The following KDM4C variants were observed in gnomAD, a reference collection of about 807,000 sequenced individuals.
KDM4C encodes lysine demethylase 4C.
In KDM4C, 81 loss-of-function variants were observed where a neutral mutation model predicts 129.3. The observed-to-expected ratio is 0.63, with a 90% CI of 0.52 to 0.75. The LOEUF is 0.75. KDM4C is among the 30% of genes least tolerant of loss of function. The pLI is 0.00. For missense variants in KDM4C, 1,457 were observed against 1,304.0 expected, an observed-to-expected ratio of 1.12 and a Z score of -1.81; for synonymous variants, 573 against 456.1, an observed-to-expected ratio of 1.26 and a Z score of -3.26.
chr9:6,966,902 C>T (rs547108698), intron 8 of KDM4C, among the ~76,000 whole-genome samples: 1 of 152,240 alleles, frequency 6.6e-6, no homozygotes, highest in East Asian at 1.9e-4. Context: ...CTGCTTAAAT[C>T]ACAGAATGCA....
intron 4 of KDM4C, among the ~76,000 whole-genome samples, chr9:6,837,773 C>T (rs562809959): frequency 6.6e-6 from 1 of 152,064 alleles, no homozygotes; most frequent in Non-Finnish European, 1.5e-5. Flanking sequence ...TGTGGCTATT[C>T]TTTTCACTAT....
intron 17 of KDM4C, among the ~76,000 whole-genome samples, chr9:7,069,491 T>G (rs1389477219): frequency 6.6e-6 from 1 of 152,208 alleles, no homozygotes; most frequent in Non-Finnish European, 1.5e-5. Flanking sequence ...CACCCTAGGC[T>G]ACAGAGCAAG....
At chr9:6,988,761 C>T (rs533855249) in intron 11 of KDM4C, among the ~76,000 whole-genome samples, 41 of 152,216 alleles carry the variant, frequency 2.7e-4, no homozygotes, top group African/African-American at 7.7e-4. Flanking sequence ...TCTCACTTTA[C>T]GTGCTATTCT....
At chr9:6,896,508 AT>A (rs1816473959) in intron 8 of KDM4C, among the ~76,000 whole-genome samples, 1 of 151,576 alleles carries the variant, frequency 6.6e-6, no homozygotes, top group Non-Finnish European at 1.5e-5. Flanking sequence ...ATTTTGTGTA[AT>A]ACAAACCAGT....
chr9:7,085,344 C>G (rs115523732), intron 17 of KDM4C, among the ~76,000 whole-genome samples: 2,274 of 152,262 alleles, frequency 0.015, 42 homozygotes, highest in African/African-American at 0.049. Context: ...TAAGATTTTT[C>G]TTGCTTTTTC....
At chr9:6,807,750 G>A (rs1175987528) in intron 3 of KDM4C, among the ~76,000 whole-genome samples, 1 of 145,526 alleles carries the variant, frequency 6.9e-6, no homozygotes, top group African/African-American at 2.5e-5. Context: ...GGGAAGTGAG[G>A]AGCGTCTCCG....
At chr9:7,127,203 G>A (rs990746974) in intron 18 of KDM4C, among the ~76,000 whole-genome samples, 5 of 152,062 alleles carry the variant, frequency 3.3e-5, no homozygotes, top group South Asian at 4.2e-4. Flanking sequence ...AAAACTCAAC[G>A]GACACTAATT....
At chr9:6,859,776 A>G (rs1276922889) in intron 5 of KDM4C, among the ~76,000 whole-genome samples, 1 of 151,634 alleles carries the variant, frequency 6.6e-6, no homozygotes, top group Admixed American at 6.6e-5. Flanking sequence ...GGGGCAAGAG[A>G]ATGGCGTGAA....
intron 5 of KDM4C, among the ~76,000 whole-genome samples, chr9:6,871,029 G>A (rs528373415): frequency 6.6e-6 from 1 of 152,170 alleles, no homozygotes; most frequent in Non-Finnish European, 1.5e-5. Flanking sequence ...TGTGACAGAC[G>A]TCTGGGCAGT....
In KDM4C at chr9:6,918,150, CT is replaced by C. The variant is rs369015686; in HGVS notation, c.921+24925del. ...AGTGAACATAGTACCCAAAAGGTAG[CT>C]TTTTTTAGCCTTTGCCGTACTCCCT... On this transcript the variant is annotated intron_variant, in intron 8 of 21. Transcript: ENST00000381309. Among the ~76,000 whole-genome samples, 651 of 152,258 alleles carry C rather than the reference CT, an allele frequency of 4.3e-3. 3 individuals carry two copies. Among genetic ancestry groups the C allele is most frequent in the African/African-American group, 0.015 (608 of 41,554 alleles).
At chr9:7,171,907 G>A (rs993371789) in intron 21 of KDM4C, among the ~76,000 whole-genome samples, 3 of 151,982 alleles carry the variant, frequency 2.0e-5, no homozygotes, top group Non-Finnish European at 2.9e-5. Flanking sequence ...TATTCTGAGC[G>A]GCTAAGCCAA....
chr9:6,889,211 T>TTGTGTGTGTGTGTGTGTGTGTG (rs34443147), intron 7 of KDM4C, among the ~76,000 whole-genome samples: 8 of 61,616 alleles, frequency 1.3e-4, no homozygotes, highest in Admixed American at 6.2e-4. Context: ...GGCCTTCTTT[T>TTGTGTGTGTGTGTGTGTGTGTG]TGTGTGTGTG....
chr9:6,942,935 G>A (rs1401428565), intron 8 of KDM4C, among the ~76,000 whole-genome samples: 2 of 152,078 alleles, frequency 1.3e-5, no homozygotes, highest in African/African-American at 2.4e-5. Context: ...GCATGATCAC[G>A]GCCCCTTGTA....
intron 3 of KDM4C, among the ~76,000 whole-genome samples, chr9:6,811,749 C>T (rs1380605307): frequency 6.6e-6 from 1 of 152,086 alleles, no homozygotes; most frequent in East Asian, 1.9e-4. Context: ...AAATTCAGCC[C>T]CGTGTCTAGG....
intron 1 of KDM4C, among the ~76,000 whole-genome samples, chr9:6,747,062 G>A (rs1410032916): frequency 6.7e-6 from 1 of 149,986 alleles, no homozygotes; most frequent in African/African-American, 2.5e-5. Flanking sequence ...GTGTGGTGGT[G>A]CACACTTCTG....
At chr9:6,985,742 G>A (rs1301321284) in intron 10 of KDM4C, among the ~76,000 whole-genome samples, 3 of 152,126 alleles carry the variant, frequency 2.0e-5, no homozygotes, top group East Asian at 3.9e-4. Flanking sequence ...CCAGGCTGGA[G>A]TGCCGTGGCA....
intron 5 of KDM4C, among the ~76,000 whole-genome samples, chr9:6,862,734 G>T (rs1354793031): frequency 2.6e-5 from 4 of 152,130 alleles, no homozygotes; most frequent in African/African-American, 9.7e-5. Flanking sequence ...TTGATCCCGG[G>T]AGGAGGAGGA....
At chr9:6,830,795 A>G (rs528007815) in intron 4 of KDM4C, among the ~76,000 whole-genome samples, 15 of 152,238 alleles carry the variant, frequency 9.9e-5, no homozygotes, top group Non-Finnish European at 2.2e-4. Flanking sequence ...GAAACTCAGT[A>G]GCACCAGCCC....
rs558872496 is a variant in KDM4C, at chr9:6,857,020, A to AT, written c.629+7325dup. On this transcript the variant is annotated intron_variant, in intron 5 of 21. Coordinates refer to ENST00000381309, the MANE Select transcript of KDM4C (RefSeq NM_015061.6). ...GATCCATCCGCCTCGGCCTCCCATA[A>AT]TTTTTGTATTTTTGTAGAGATGGGA... 1.5e-3 allele frequency among the ~76,000 whole-genome samples: 223 copies of AT among 152,054 alleles called. 1 individual carries two copies. The highest frequency in any genetic ancestry group is 5.2e-3 in the African/African-American group (215 of 41,492).
Sources: allele counts gnomAD v4.1 joint callset (sites outside exome capture counted in the v4.1 genomes callset), GRCh38; gene constraint gnomAD v4.1.1; transcripts MANE v1.5; gene names NCBI Gene and HGNC (gene_info 2026-07-23, HGNC 2026-07-21).